Variants in UVRAG observed in about 807,000 individuals in gnomAD.
UVRAG encodes the protein UV radiation resistance-associated gene protein.
In UVRAG, 19 loss-of-function variants were observed where a neutral mutation model predicts 78.0. That is an observed-to-expected ratio of 0.24 (90% CI 0.17 to 0.36). The LOEUF (loss-of-function observed/expected upper bound fraction) is 0.36, where lower values mean the gene tolerates loss of function less well. UVRAG is among the 10% of genes least tolerant of loss of function. The pLI, the probability that UVRAG is intolerant of heterozygous loss-of-function variation, is 1.00. For missense variants in UVRAG, 740 were observed against 853.8 expected, an observed-to-expected ratio of 0.87 and a Z score of 1.66; for synonymous variants, 323 against 324.6, an observed-to-expected ratio of 1.00 and a Z score of 0.05.
chr11:75,983,346 C>A, intron 7 of UVRAG, 41 bp from the exon 8 acceptor site: 1 of 1,495,788 alleles, frequency 6.7e-7, no homozygotes, highest in Admixed American at 2.0e-5. Context: ...ATAGTCATGA[C>A]ATTTATATTC....
intron 8 of UVRAG, among the ~76,000 whole-genome samples, chr11:76,000,815 A>G (rs545812152): frequency 5.9e-5 from 9 of 152,300 alleles, no homozygotes; most frequent in Admixed American, 2.0e-4. Flanking sequence ...TCACCAAAAG[A>G]CGTAACAATT....
At chr11:75,854,766 A>C (rs1453576055) in intron 2 of UVRAG, among the ~76,000 whole-genome samples, 3 of 152,192 alleles carry the variant, frequency 2.0e-5, no homozygotes, top group African/African-American at 7.2e-5. Context: ...CAGTCTTACT[A>C]TGTGTCCAGA....
chr11:75,920,008 G>GTTTTTTTTTTTTTTTTTTTTTTTTTTTTT (rs140217190), intron 6 of UVRAG, among the ~76,000 whole-genome samples: 1 of 55,462 alleles, frequency 1.8e-5, no homozygotes, highest in Non-Finnish European at 3.4e-5. Context: ...AATAATTTTG[G>GTTTTTTTTTTTTTTTTTTTTTTTTTTTTT]TTTTTTTTTT....
At chr11:76,081,271 T>A (rs1338067444) in intron 13 of UVRAG, among the ~76,000 whole-genome samples, 1 of 152,004 alleles carries the variant, frequency 6.6e-6, no homozygotes, top group Non-Finnish European at 1.5e-5. Flanking sequence ...AATGGCGCAA[T>A]CTTGACTCAC....
chr11:75,866,376 T>TAAATAAAATA (rs1555077121), intron 3 of UVRAG, among the ~76,000 whole-genome samples: 9,265 of 150,244 alleles, frequency 0.062, 995 homozygotes, highest in African/African-American at 0.22. Flanking sequence ...AATAAATAAA[T>TAAATAAAATA]AAATAAAATA....
chr11:75,889,696 C>T (rs1947174486), intron 5 of UVRAG, among the ~76,000 whole-genome samples: 1 of 152,130 alleles, frequency 6.6e-6, no homozygotes, highest in African/African-American at 2.4e-5. Flanking sequence ...TTTTATTGAG[C>T]GCCTGCTGTA....
At chr11:75,816,340 C>T (rs1238827086) in intron 1 of UVRAG, among the ~76,000 whole-genome samples, 1 of 152,166 alleles carries the variant, frequency 6.6e-6, no homozygotes, top group Non-Finnish European at 1.5e-5. Context: ...GTACTTCCCT[C>T]CTTATATCGG....
chr11:75,937,856 A>G (rs1055798332), intron 6 of UVRAG, among the ~76,000 whole-genome samples: 1 of 152,074 alleles, frequency 6.6e-6, no homozygotes, highest in Non-Finnish European at 1.5e-5. Flanking sequence ...TTTCCCCTTC[A>G]TGAACTCCAT....
intron 6 of UVRAG, among the ~76,000 whole-genome samples, chr11:75,924,163 G>T (rs1948037444): frequency 6.6e-6 from 1 of 152,138 alleles, no homozygotes; most frequent in African/African-American, 2.4e-5. Context: ...ATGAAGAAAT[G>T]GGTGAAATAT....
At chr11:75,938,622 G>A (rs541845134) in intron 6 of UVRAG, among the ~76,000 whole-genome samples, 27 of 152,164 alleles carry the variant, frequency 1.8e-4, no homozygotes, top group Non-Finnish European at 2.6e-4. Context: ...ACTTTATTGC[G>A]TGGCCCGTCA....
At chr11:75,929,004 G>A (rs1948173671) in intron 6 of UVRAG, among the ~76,000 whole-genome samples, 1 of 150,752 alleles carries the variant, frequency 6.6e-6, no homozygotes. Context: ...GCTCACTGGT[G>A]ACATATATAA....
chr11:75,882,492 GA>G (rs1463846104), intron 4 of UVRAG, among the ~76,000 whole-genome samples: 7 of 150,208 alleles, frequency 4.7e-5, no homozygotes, highest in Middle Eastern at 3.4e-3. Context: ...CAGCCTGGGT[GA>G]CAGAGTGAGA....
At chr11:75,902,698 C>G (rs375004937) in intron 5 of UVRAG, among the ~76,000 whole-genome samples, 44 of 152,120 alleles carry the variant, frequency 2.9e-4, no homozygotes, top group African/African-American at 1.0e-3. Flanking sequence ...TTTATCCATT[C>G]TATTCAGTCA....
At chr11:75,918,919 G>A (rs1364069260) in intron 6 of UVRAG, among the ~76,000 whole-genome samples, 1 of 152,118 alleles carries the variant, frequency 6.6e-6, no homozygotes, top group Non-Finnish European at 1.5e-5. Flanking sequence ...CTTTCTTTCA[G>A]CCCCTGCTCT....
intron 11 of UVRAG, among the ~76,000 whole-genome samples, chr11:76,011,174 T>C (rs1041060615): frequency 6.6e-6 from 1 of 152,196 alleles, no homozygotes; most frequent in African/African-American, 2.4e-5. Flanking sequence ...CTTTAATAAA[T>C]TAGTGTAGCT....
At chr11:76,127,886 G>C (rs1019005836) in intron 14 of UVRAG, among the ~76,000 whole-genome samples, 2 of 152,084 alleles carry the variant, frequency 1.3e-5, no homozygotes, top group African/African-American at 2.4e-5. Context: ...GAACATGGGA[G>C]GCAGAGGTTG....
chr11:76,015,485 T>C (rs1344654584), intron 11 of UVRAG, among the ~76,000 whole-genome samples: 2 of 152,180 alleles, frequency 1.3e-5, no homozygotes, highest in African/African-American at 4.8e-5. Flanking sequence ...GAGCCTTAGT[T>C]TGTTTATCTG....
At chr11:75,961,649 T>TTAA in intron 7 of UVRAG, 100 bp downstream of exon 7, 1 of 859,104 alleles carries the variant, frequency 1.2e-6, no homozygotes, top group Non-Finnish European at 1.7e-6. Flanking sequence ...AGATCGTTTT[T>TTAA]ATCTTCTTAA....
intron 6 of UVRAG, among the ~76,000 whole-genome samples, chr11:75,954,496 A>G (rs188226133): frequency 1.3e-5 from 2 of 152,198 alleles, no homozygotes; most frequent in Admixed American, 6.5e-5. Flanking sequence ...CTGTTTCCTC[A>G]CTTGAATGAG....
Sources: allele counts gnomAD v4.1 joint callset (sites outside exome capture counted in the v4.1 genomes callset), GRCh38; gene constraint gnomAD v4.1.1; transcripts MANE v1.5; gene names NCBI Gene and HGNC (gene_info 2026-07-23, HGNC 2026-07-21).